Variants in DCC observed in about 807,000 individuals in gnomAD.
The protein encoded by DCC is netrin receptor DCC.
In DCC, 58 loss-of-function variants were observed where a neutral mutation model predicts 172.5. The ratio of observed to expected loss-of-function variants is 0.34; its 90% CI spans 0.27 to 0.42. The LOEUF is 0.42. Among genes scored for constraint, DCC ranks in the 10% least tolerant of loss-of-function variants. DCC has a pLI of 1.00. For synonymous variants in DCC, 709 were observed against 644.5 expected, an observed-to-expected ratio of 1.10 and a Z score of -1.52; for missense variants, 1,740 against 1,791.0, an observed-to-expected ratio of 0.97 and a Z score of 0.51.
At chr18:53,462,904 C>A (rs1266087791) in intron 24 of DCC, among the ~76,000 whole-genome samples, 1 of 152,234 alleles carries the variant, frequency 6.6e-6, no homozygotes, top group Non-Finnish European at 1.5e-5. Flanking sequence ...CCTTGCCAGA[C>A]CCAATGGTGA....
intron 1 of DCC, among the ~76,000 whole-genome samples, chr18:52,471,981 G>C (rs1315646139): frequency 1.3e-5 from 2 of 152,150 alleles, no homozygotes; most frequent in African/African-American, 4.8e-5. Flanking sequence ...ATGAGGCTGA[G>C]AGAAGGGAGG....
chr18:52,814,312 C>A (rs1053166647), intron 2 of DCC, among the ~76,000 whole-genome samples: 32 of 152,304 alleles, frequency 2.1e-4, no homozygotes, highest in African/African-American at 7.7e-4. Flanking sequence ...TTCTGAGATA[C>A]CAGTAGCCTG....
chr18:53,256,066 T>G (rs140046499), intron 12 of DCC, among the ~76,000 whole-genome samples: 3 of 151,910 alleles, frequency 2.0e-5, no homozygotes, highest in Non-Finnish European at 2.9e-5. Context: ...GGTTGTTTGT[T>G]TTTTTCTTGT....
intron 2 of DCC, among the ~76,000 whole-genome samples, chr18:52,769,118 C>T (rs1282961053): frequency 6.6e-6 from 1 of 152,200 alleles, no homozygotes; most frequent in Non-Finnish European, 1.5e-5. Flanking sequence ...AATTATTTCA[C>T]TCCCACCTAA....
chr18:52,613,251 TTTC>T (rs1277366998), intron 1 of DCC, among the ~76,000 whole-genome samples: 1 of 152,170 alleles, frequency 6.6e-6, no homozygotes. Flanking sequence ...TTTTTGTTTT[TTTC>T]TTGTTTTGTT....
At chr18:53,067,075 G>A (rs2042582010) in intron 7 of DCC, among the ~76,000 whole-genome samples, 1 of 152,094 alleles carries the variant, frequency 6.6e-6, no homozygotes, top group African/African-American at 2.4e-5. Flanking sequence ...TCCAACACTG[G>A]GGATTGCAAT....
chr18:52,469,876 C>A (rs968313180), intron 1 of DCC, among the ~76,000 whole-genome samples: 3 of 152,136 alleles, frequency 2.0e-5, no homozygotes, highest in Non-Finnish European at 2.9e-5. Flanking sequence ...GAGTAAAACA[C>A]CAGTTGGAGG....
chr18:53,084,866 A>G (rs1452405226), intron 7 of DCC, among the ~76,000 whole-genome samples: 4 of 152,222 alleles, frequency 2.6e-5, no homozygotes, highest in Non-Finnish European at 5.9e-5. Context: ...TTTTGCATCT[A>G]CATTCTGATC....
rs1455068810 is a variant in DCC, at chr18:53,351,315, ACACT to A, written c.2359+11409_2359+11412del. 2.5e-4 allele frequency among the ~76,000 whole-genome samples: 5 copies of A among 19,630 alleles called. 1 individual carries two copies. The highest frequency in any genetic ancestry group is 4.0e-4 in the Non-Finnish European group (3 of 7,440). 12.9% of individuals were successfully genotyped at this position (19,630 alleles called of 152,430 possible). On this transcript the variant is annotated intron_variant, in intron 15 of 28. Coordinates refer to ENST00000442544, the MANE Select transcript of DCC (RefSeq NM_005215.4). ...AGTATATATATATATATATATATATACACTGTATATATATATACAGTGTATATAT... is the reference window on the plus strand; with the variant it reads ...AGTATATATATATATATATATATATAGTATATATATATACAGTGTATATAT...
At chr18:53,293,137 A>G (rs2057025029) in intron 12 of DCC, among the ~76,000 whole-genome samples, 1 of 152,244 alleles carries the variant, frequency 6.6e-6, no homozygotes, top group African/African-American at 2.4e-5. Flanking sequence ...ATGCTGCTAT[A>G]TAAATAATTT....
chr18:53,500,316 T>G (rs774499505), intron 27 of DCC, among the ~76,000 whole-genome samples: 4 of 152,052 alleles, frequency 2.6e-5, no homozygotes, highest in Admixed American at 6.6e-5. Context: ...ATAATAGTAC[T>G]TAAAATTATT....
At chr18:52,797,360 T>C (rs190480026) in intron 2 of DCC, among the ~76,000 whole-genome samples, 1 of 152,354 alleles carries the variant, frequency 6.6e-6, no homozygotes, top group African/African-American at 2.4e-5. Context: ...TCTGCACATC[T>C]GGTGTAATAG....
chr18:52,923,556 G>C (rs910572900), intron 3 of DCC, 151 bp from the exon 4 acceptor site: 1 of 680,710 alleles, frequency 1.5e-6, no homozygotes, highest in African/African-American at 1.8e-5. Flanking sequence ...CTATACACTT[G>C]GGATGAAAAA....
chr18:52,420,019 G>T (rs1987193004), intron 1 of DCC, among the ~76,000 whole-genome samples: 1 of 152,156 alleles, frequency 6.6e-6, no homozygotes, highest in African/African-American at 2.4e-5. Flanking sequence ...AAGAGGCAGA[G>T]CCAGGAGTTG....
chr18:52,682,337 C>A (rs1331894049), intron 1 of DCC, among the ~76,000 whole-genome samples: 1 of 151,968 alleles, frequency 6.6e-6, no homozygotes, highest in Non-Finnish European at 1.5e-5. Flanking sequence ...AGAAAAATAT[C>A]CTGCTGGGAT....
chr18:53,018,416 G>A (rs926787896), intron 5 of DCC, among the ~76,000 whole-genome samples: 7 of 152,250 alleles, frequency 4.6e-5, no homozygotes, highest in East Asian at 1.9e-4. Context: ...CGTTGCCTAC[G>A]TCTCCTCTTT....
At chr18:52,379,268 T>G (rs564427401) in intron 1 of DCC, among the ~76,000 whole-genome samples, 1 of 152,090 alleles carries the variant, frequency 6.6e-6, no homozygotes, top group East Asian at 1.9e-4. Context: ...CAAAAACAGA[T>G]TGGATACATG....
chr18:52,856,453 G>A lies in DCC; in HGVS notation c.413-49591G>A, dbSNP rs1010006064. Among the ~76,000 whole-genome samples, 6 of 151,238 alleles carry A rather than the reference G, an allele frequency of 4.0e-5. No homozygotes were observed. The East Asian group carries it at 6.0e-4, about 15-fold the overall frequency. ...ATCCTGGCTAACACGGTGAAACACC[G>A]TCTCTACTAAAAAATACAAAAAAAT... On this transcript the variant is annotated intron_variant, in intron 2 of 28. Coordinates refer to ENST00000442544, the MANE Select transcript of DCC (RefSeq NM_005215.4).
intron 5 of DCC, among the ~76,000 whole-genome samples, chr18:52,953,314 G>T (rs1256968520): frequency 1.3e-5 from 2 of 152,046 alleles, no homozygotes; most frequent in African/African-American, 4.8e-5. Flanking sequence ...CTTCTCTATG[G>T]TTGCCCCACC....
Sources: allele counts gnomAD v4.1 joint callset (sites outside exome capture counted in the v4.1 genomes callset), GRCh38; gene constraint gnomAD v4.1.1; transcripts MANE v1.5; gene names NCBI Gene and HGNC (gene_info 2026-07-23, HGNC 2026-07-21).